The following MARCHF1 variants were observed in gnomAD, a reference collection of about 807,000 sequenced individuals.
MARCHF1 encodes E3 ubiquitin-protein ligase MARCHF1.
MARCHF1 carries 40 observed loss-of-function variants against 54.2 expected under a neutral mutation model. That is an observed-to-expected ratio of 0.74 (90% confidence interval 0.57 to 0.96). The LOEUF is 0.96. MARCHF1 is among the 40% of genes least tolerant of loss of function. The pLI is 0.00. For synonymous variants in MARCHF1, 236 were observed against 236.3 expected (o/e 1.00, Z 0.01); for missense variants, 586 against 656.5 (o/e 0.89, Z 1.17).
intron 3 of MARCHF1, among the ~76,000 whole-genome samples, chr4:163,858,510 G>A (rs1244906528): frequency 6.6e-6 from 1 of 152,124 alleles, no homozygotes; most frequent in Non-Finnish European, 1.5e-5. Context: ...CTTGAGAATG[G>A]TCTTGTCTAA....
At chr4:163,599,917 C>T (rs1320784048) in intron 7 of MARCHF1, among the ~76,000 whole-genome samples, 1 of 152,112 alleles carries the variant, frequency 6.6e-6, no homozygotes, top group East Asian at 1.9e-4. Context: ...GAGGTCATTC[C>T]AAGATGAAGG....
intron 4 of MARCHF1, among the ~76,000 whole-genome samples, chr4:163,736,795 C>T (rs1335034021): frequency 1.3e-5 from 2 of 152,138 alleles, no homozygotes; most frequent in Non-Finnish European, 2.9e-5. Context: ...TATTCTATTA[C>T]AGTCAACAGA....
chr4:163,551,998 G>A (rs147053780), intron 8 of MARCHF1, among the ~76,000 whole-genome samples: 1 of 152,080 alleles, frequency 6.6e-6, no homozygotes, highest in Admixed American at 6.5e-5. Flanking sequence ...GTACATGAAG[G>A]CTTTCTTACT....
intron 4 of MARCHF1, among the ~76,000 whole-genome samples, chr4:163,853,273 CT>C (rs148714843): frequency 0.011 from 1,695 of 152,236 alleles, 42 homozygotes; most frequent in African/African-American, 0.039. Flanking sequence ...AATCAAAACA[CT>C]TTCATTCTTG....
chr4:163,528,839 A>G lies in MARCHF1; in HGVS notation c.1547T>C (p.Ile516Thr), dbSNP rs760128253. ...TACAGGCACTACCACAGCATCTTTGATGTCTGTGTTTACATTACATGAGAA... is the reference window on the plus strand; with the variant it reads ...TACAGGCACTACCACAGCATCTTTGGTGTCTGTGTTTACATTACATGAGAA... ...KNFSCNVNTDIKDAVVVPVPQ... is the reference protein window; with the variant it reads ...KNFSCNVNTDTKDAVVVPVPQ... The change falls in exon 10 of 10, where the codon ATC becomes ACC. Residue 516 changes from isoleucine to threonine, a missense_variant. Ile to Thr is a moderately conservative substitution (Grantham distance 89). This residue lies in a region of MARCHF1 where 106 missense variants were observed against 93.8 expected (regional missense o/e 1.13). Transcript: ENST00000514618. The G allele has an allele frequency of 3.1e-6, 5 of 1,613,144 alleles. No homozygotes were observed. The Admixed American group carries it at 8.4e-5, about 27-fold the overall frequency.
Position 163,746,838 on chromosome 4 carries a change from C to A in MARCHF1, c.112-45975G>T, listed in dbSNP as rs142144197. On this transcript the variant is annotated intron_variant, in intron 4 of 9. Coordinates refer to ENST00000514618, the MANE Select transcript of MARCHF1 (RefSeq NM_001394959.1). ...GGAATCACTTCACCTCATGAGCCATCATCCTCATCATTGTGTATCAGCAGT... is the reference window on the plus strand; with the variant it reads ...GGAATCACTTCACCTCATGAGCCATAATCCTCATCATTGTGTATCAGCAGT... Among the ~76,000 whole-genome samples the A allele has an allele frequency of 5.3e-5, 8 of 152,350 alleles. No individual in the cohort carries two copies. In the South Asian group the frequency reaches 1.2e-3, roughly 24 times the overall value.
intron 1 of MARCHF1, chr4:164,197,749 C>A: frequency 6.2e-7 from 1 of 1,610,586 alleles, no homozygotes; most frequent in Non-Finnish European, 8.5e-7. Context: ...CTCGTGCCAG[C>A]CGAATTCAAT....
intron 1 of MARCHF1, among the ~76,000 whole-genome samples, chr4:164,306,747 G>A (rs1734706497): frequency 6.6e-6 from 1 of 152,060 alleles, no homozygotes; most frequent in African/African-American, 2.4e-5. Flanking sequence ...TGGCTCTTTT[G>A]TGTTTATTTA....
chr4:164,051,943 G>A (rs991959236), intron 2 of MARCHF1, among the ~76,000 whole-genome samples: 1 of 152,052 alleles, frequency 6.6e-6, no homozygotes, highest in East Asian at 1.9e-4. Context: ...ATTTTGATTT[G>A]CAGCTACCTA....
At chr4:163,602,976 G>A (rs568627287) in intron 7 of MARCHF1, among the ~76,000 whole-genome samples, 1 of 152,164 alleles carries the variant, frequency 6.6e-6, no homozygotes, top group East Asian at 1.9e-4. Flanking sequence ...CTCACAATTA[G>A]AGACTCTGAA....
intron 2 of MARCHF1, among the ~76,000 whole-genome samples, chr4:164,073,178 C>A (rs1019375880): frequency 2.6e-5 from 4 of 152,122 alleles, no homozygotes; most frequent in Admixed American, 2.0e-4. Context: ...GATGAACAGG[C>A]AGATGAGTAT....
intron 8 of MARCHF1, 173 bp downstream of exon 8, chr4:163,585,576 A>C: frequency 2.2e-6 from 1 of 445,752 alleles, no homozygotes; most frequent in African/African-American, 2.0e-5. Context: ...GAAGAAAGGA[A>C]GGATTATCTG....
At chr4:164,066,769 C>T (rs1459644707) in intron 2 of MARCHF1, among the ~76,000 whole-genome samples, 1 of 152,088 alleles carries the variant, frequency 6.6e-6, no homozygotes, top group African/African-American at 2.4e-5. Context: ...AACACAGGAA[C>T]AGAAAACCAA....
At chr4:163,741,491 G>T (rs1352880228) in intron 4 of MARCHF1, among the ~76,000 whole-genome samples, 1 of 151,884 alleles carries the variant, frequency 6.6e-6, no homozygotes, top group Non-Finnish European at 1.5e-5. Flanking sequence ...GCTGAGGCAG[G>T]AGAATTGCTT....
At chr4:163,627,286 T>G (rs1741905200) in intron 5 of MARCHF1, among the ~76,000 whole-genome samples, 1 of 152,230 alleles carries the variant, frequency 6.6e-6, no homozygotes, top group Admixed American at 6.5e-5. Flanking sequence ...ATCATCCTAG[T>G]ATTTTATTGA....
downstream of MARCHF1, chr4:163,524,342 A>G (rs1024834262): frequency 6.6e-6 from 1 of 152,172 alleles, no homozygotes; most frequent in African/African-American, 2.4e-5. Flanking sequence ...CTTAGATTCT[A>G]ATATCTTGCT....
intron 8 of MARCHF1, among the ~76,000 whole-genome samples, chr4:163,557,650 G>A (rs1739335641): frequency 6.6e-6 from 1 of 152,162 alleles, no homozygotes; most frequent in African/African-American, 2.4e-5. Context: ...TTCTTTAATA[G>A]CCTGTCGTTT....
intron 1 of MARCHF1, among the ~76,000 whole-genome samples, chr4:164,265,876 T>C (rs1348638015): frequency 1.3e-5 from 2 of 152,192 alleles, no homozygotes; most frequent in Non-Finnish European, 2.9e-5. Flanking sequence ...CTTCCCTAAC[T>C]GCCTCCCTTC....
At chr4:164,117,378 T>G (rs956463301) in intron 1 of MARCHF1, among the ~76,000 whole-genome samples, 1 of 152,220 alleles carries the variant, frequency 6.6e-6, no homozygotes, top group East Asian at 1.9e-4. Flanking sequence ...CCCTTTTTAA[T>G]GGAAATACAA....
Sources: gnomAD v4.1 joint callset for allele counts (sites outside exome capture counted in the v4.1 genomes callset) on GRCh38, gnomAD v4.1.1 for gene constraint, gnomAD v4.1.1 regional missense constraint, MANE v1.5 for transcripts, NCBI Gene and HGNC (gene_info 2026-07-23, HGNC 2026-07-21) for gene names.